The following MATK variants were observed in gnomAD, a reference collection of about 807,000 sequenced individuals.
MATK encodes megakaryocyte-associated tyrosine kinase, also known as megakaryocyte-associated tyrosine-protein kinase.
MATK carries 41 observed loss-of-function variants against 59.8 expected under a neutral mutation model. The ratio of observed to expected loss-of-function variants is 0.69; its 90% CI spans 0.53 to 0.89. The LOEUF (loss-of-function observed/expected upper bound fraction) is 0.89, where lower values mean the gene tolerates loss of function less well. MATK is among the 40% of genes least tolerant of loss of function. The pLI, the probability that MATK is intolerant of heterozygous loss-of-function variation, is 0.00. For synonymous variants in MATK, 308 were observed against 306.1 expected (o/e 1.01, Z -0.06); for missense variants, 593 against 719.6 (o/e 0.82, Z 2.01).
At chr19:3,795,313 C>T (rs1034201993) in intron 1 of MATK, among the ~76,000 whole-genome samples, 3 of 145,628 alleles carry the variant, frequency 2.1e-5, no homozygotes, top group Non-Finnish European at 4.5e-5. Flanking sequence ...CACTCTGTTA[C>T]CCAGGCTGGA....
chr19:3,779,191 G>A lies in MATK; in HGVS notation c.1002-4C>T, dbSNP rs764503769. 8.3e-6 allele frequency: 13 copies of A among 1,575,712 alleles called. No homozygotes were observed. In the African/African-American group the frequency reaches 1.6e-4, roughly 20 times the overall value. ...CTCCATGCCCTCGGCCACGTGCCTG[G>A]GGGTAGTAGGGGGCAGTGGGGGCTC... On this transcript the variant is annotated splice_polypyrimidine_tract_variant and splice_region_variant and intron_variant, in intron 11 of 13. Coordinates refer to ENST00000310132, the MANE Select transcript of MATK (RefSeq NM_139355.3).
At position 3,784,139 on chromosome 19, in the gene MATK, T is replaced by C. The variant is rs199767504; in HGVS notation, c.347A>G (p.Lys116Arg). 41 of 1,611,484 alleles carry C rather than the reference T, an allele frequency of 2.5e-5. No individual in the cohort carries two copies. The highest frequency in any genetic ancestry group is 7.6e-6 in the Non-Finnish European group (9 of 1,178,658). Residue 116 changes from lysine (K) to arginine (R), a missense_variant, in exon 5 of 14, where the codon AAG becomes AGG. Transcript: ENST00000310132. ...GCCCACTCACGGCATGAGGCTGAGC[T>C]TGGGGTCTGCGGAGAGGGCCTCCCG... ...REREALSADP[K>R]LSLMPWFHGK...
upstream of MATK, among the ~76,000 whole-genome samples, chr19:3,790,062 C>T (rs1164968758): frequency 2.6e-5 from 4 of 152,132 alleles, no homozygotes; most frequent in South Asian, 2.1e-4. Flanking sequence ...CCACCATGCC[C>T]AGCTAATTTT....
intron 1 of MATK, among the ~76,000 whole-genome samples, chr19:3,795,679 T>C (rs2037587022): frequency 6.6e-6 from 1 of 151,432 alleles, no homozygotes; most frequent in Non-Finnish European, 1.5e-5. Context: ...GATGGCAGGT[T>C]GGACTTGGCC....
chr19:3,794,624 C>CA (rs2037575395), intron 1 of MATK, among the ~76,000 whole-genome samples: 1 of 152,180 alleles, frequency 6.6e-6, no homozygotes, highest in Non-Finnish European at 1.5e-5. Context: ...TACTGCACTC[C>CA]AGCCTGGGCA....
At chr19:3,782,413 G>A (rs114718976) in intron 7 of MATK, among the ~76,000 whole-genome samples, 216 of 152,344 alleles carry the variant, frequency 1.4e-3, no homozygotes, top group African/African-American at 4.7e-3. Flanking sequence ...ATACTTTCAA[G>A]GAGACAGACA....
At chr19:3,789,286 T>C, upstream of MATK, 1 of 779,296 alleles carries the variant, frequency 1.3e-6, no homozygotes. Flanking sequence ...AAGCTGCTGC[T>C]GACCACGGGT....
intron 1 of MATK, among the ~76,000 whole-genome samples, chr19:3,797,027 A>C (rs886078288): frequency 2.0e-5 from 3 of 151,930 alleles, no homozygotes; most frequent in African/African-American, 7.3e-5. Context: ...GCACTTTCAC[A>C]GTGGTGGGTT....
Position 3,779,128 on chromosome 19 carries a change from G to C in MATK, c.1061C>G (p.Ala354Gly), listed in dbSNP as rs781095789. 10 of 1,609,256 alleles carry C rather than the reference G, an allele frequency of 6.2e-6. No individual in the cohort carries two copies. The highest frequency in any genetic ancestry group is 7.6e-6 in the Non-Finnish European group (9 of 1,178,844). The change falls in exon 12 of 14, where the codon GCC becomes GGC. Residue 354 changes from alanine to glycine, a missense_variant. Transcript: ENST00000310132. Reference protein sequence around the residue: ...ESKKLVHRDLAARNILVSEDL... With the variant: ...ESKKLVHRDLGARNILVSEDL... ...CTCTGAGACCAGGATGTTGCGGGCGGCCAGGTCGCGGTGCACAAGCTTCTT... is the reference window on the plus strand; with the variant it reads ...CTCTGAGACCAGGATGTTGCGGGCGCCCAGGTCGCGGTGCACAAGCTTCTT...
rs1282301423 is a variant in MATK at position 3,779,088 on chromosome 19, C to T, written c.1101G>A (p.Lys367=). 5.6e-6 allele frequency: 9 copies of T among 1,609,864 alleles called. No homozygotes were observed. Among genetic ancestry groups the T allele is most frequent in the African/African-American group, 1.3e-5 (1 of 74,906 alleles). The part of the protein sequence containing the change: ...NILVSEDLVA[K]VSDFGLAKAE... ...CTTTGGCCAGGCCAAAGTCGCTGAC[C>T]TTGGCCACCAGGTCCTCTGAGACCA... The change falls in exon 12 of 14, where the codon AAG becomes AAA. Residue 367 remains lysine, a synonymous_variant. Transcript: ENST00000310132.
chr19:3,788,394 C>A (rs575843552), upstream of MATK, among the ~76,000 whole-genome samples: 1 of 151,072 alleles, frequency 6.6e-6, no homozygotes, highest in African/African-American at 2.4e-5. Flanking sequence ...GAGGCCGAGG[C>A]GGGTGGATCA....
intron 1 of MATK, among the ~76,000 whole-genome samples, chr19:3,798,517 T>A (rs2037615465): frequency 6.6e-6 from 1 of 152,166 alleles, no homozygotes; most frequent in African/African-American, 2.4e-5. Context: ...TTTTTTATTT[T>A]TTTTATTTTT....
intron 1 of MATK, among the ~76,000 whole-genome samples, chr19:3,800,633 C>A (rs181831333): frequency 6.6e-6 from 1 of 151,422 alleles, no homozygotes; most frequent in African/African-American, 2.4e-5. Context: ...GCAACGGGAG[C>A]AAAACTCCGT....
upstream of MATK, among the ~76,000 whole-genome samples, chr19:3,788,396 G>A (rs1350293208): frequency 2.6e-5 from 4 of 151,462 alleles, no homozygotes; most frequent in Non-Finnish European, 5.9e-5. Flanking sequence ...GGCCGAGGCG[G>A]GTGGATCACG....
chr19:3,789,138 G>A (rs1032673496), upstream of MATK: 3 of 574,498 alleles, frequency 5.2e-6, no homozygotes, highest in Non-Finnish European at 9.6e-6. Context: ...AAGGGCTGGG[G>A]ACGCTGCAGC....
chr19:3,799,562 G>A (rs978554627), intron 1 of MATK, among the ~76,000 whole-genome samples: 5 of 152,206 alleles, frequency 3.3e-5, no homozygotes, highest in Admixed American at 2.6e-4. Flanking sequence ...AGTTGAGGCC[G>A]GGTGTGGTGG....
At chr19:3,779,291 GC>G (rs2037363269) in intron 11 of MATK, 86 bp downstream of exon 11, 2 of 1,569,548 alleles carry the variant, frequency 1.3e-6, no homozygotes, top group Middle Eastern at 1.9e-4. Context: ...AAGCCTCCCT[GC>G]CCCGTGCCTC....
At chr19:3,786,390 C>A, upstream of MATK, 1 of 981,438 alleles carries the variant, frequency 1.0e-6, no homozygotes, top group South Asian at 4.6e-5. The surrounding 1 kb of genome is among the most constrained non-coding windows in gnomAD (Gnocchi z 4.1). Context: ...CTGCGGTCTC[C>A]TCCGCGCGCC....
Position 3,778,426 on chromosome 19 carries a change from C to T in MATK, c.1285-4G>A, listed in dbSNP as rs762860214. Reference sequence around the variant, plus strand: ...CCTCCGACACCTCTTTCAGTGACTGCGGACAGCAGGCGTGGGCAGGGGTCA... The same window carrying T: ...CCTCCGACACCTCTTTCAGTGACTGTGGACAGCAGGCGTGGGCAGGGGTCA... On this transcript the variant is annotated splice_polypyrimidine_tract_variant and splice_region_variant and intron_variant, in intron 13 of 13. Transcript: ENST00000310132. 2.5e-5 allele frequency: 40 copies of T among 1,613,170 alleles called. No individual in the cohort carries two copies. Among genetic ancestry groups the T allele is most frequent in the African/African-American group, 2.1e-4 (16 of 74,928 alleles).
Sources: allele counts gnomAD v4.1 joint callset (sites outside exome capture counted in the v4.1 genomes callset), GRCh38; gene constraint gnomAD v4.1.1; non-coding constraint Gnocchi (gnomAD v3.1); transcripts MANE v1.5; gene names NCBI Gene and HGNC (gene_info 2026-07-23, HGNC 2026-07-21).